The following CWF19L1 variants were observed in gnomAD, a reference collection of about 807,000 sequenced individuals.
CWF19L1 encodes the protein CWF19-like protein 1.
CWF19L1 carries 60 observed loss-of-function variants against 69.7 expected under a neutral mutation model. That is an observed-to-expected ratio of 0.86 (90% CI 0.70 to 1.07). The LOEUF is 1.07. CWF19L1 is among the 50% of genes least tolerant of loss of function. The pLI is 0.00. For missense variants in CWF19L1, 591 were observed against 638.9 expected (o/e 0.92, Z 0.81); for synonymous variants, 209 against 222.2 (o/e 0.94, Z 0.53).
intron 10 of CWF19L1, 112 bp downstream of exon 10, chr10:100,243,586 C>A: frequency 2.1e-6 from 2 of 960,776 alleles, no homozygotes; most frequent in Admixed American, 1.9e-5. Flanking sequence ...CGAAAATCAC[C>A]GAATCATACA....
intron 5 of CWF19L1, 65 bp downstream of exon 5, chr10:100,256,197 A>G: frequency 8.0e-7 from 1 of 1,252,732 alleles, no homozygotes; most frequent in Non-Finnish European, 1.2e-6. Flanking sequence ...AGGAAAAGAA[A>G]AAAGTCCCAA....
chr10:100,248,279 T>C (rs1028452655), intron 7 of CWF19L1: 2 of 1,346,584 alleles, frequency 1.5e-6, no homozygotes, highest in East Asian at 2.3e-5. Flanking sequence ...CAAAGTGTTT[T>C]GAGTCCGTTG....
At chr10:100,260,426 T>G in intron 3 of CWF19L1, 107 bp from the exon 4 acceptor site, 1 of 598,252 alleles carries the variant, frequency 1.7e-6, no homozygotes, top group Non-Finnish European at 2.9e-6. Context: ...AAATAGTCCA[T>G]GCATTCACAT....
chr10:100,239,594 G>A (rs1293044799), intron 10 of CWF19L1, among the ~76,000 whole-genome samples: 5 of 152,158 alleles, frequency 3.3e-5, no homozygotes, highest in South Asian at 2.1e-4. Context: ...AGCCGAGATC[G>A]TGCCACTGCA....
At chr10:100,235,886 T>C (rs1255070366) in intron 12 of CWF19L1, 122 bp from the exon 13 acceptor site, 4 of 694,586 alleles carry the variant, frequency 5.8e-6, no homozygotes, top group African/African-American at 5.4e-5. Flanking sequence ...TATGTTGCTA[T>C]AGATCCCAAG....
chr10:100,249,703 G>A (rs1022189221), intron 7 of CWF19L1, among the ~76,000 whole-genome samples: 1 of 152,106 alleles, frequency 6.6e-6, no homozygotes. Flanking sequence ...TCCTGCCTCA[G>A]CTTCCTGAGT....
intron 13 of CWF19L1, among the ~76,000 whole-genome samples, chr10:100,233,620 G>C (rs1417293177): frequency 1.3e-5 from 2 of 152,154 alleles, no homozygotes; most frequent in African/African-American, 2.4e-5. Context: ...TTGGTACTTA[G>C]AGAAGCAACA....
At chr10:100,265,668 C>T in intron 1 of CWF19L1, among the ~76,000 whole-genome samples, 1 of 151,898 alleles carries the variant, frequency 6.6e-6, no homozygotes, top group South Asian at 2.1e-4. Flanking sequence ...TTACAGGCGC[C>T]CGCTACCACA....
intron 12 of CWF19L1, among the ~76,000 whole-genome samples, chr10:100,236,603 C>T (rs11596950): frequency 0.29 from 44,007 of 151,944 alleles, 8,043 homozygotes; most frequent in Non-Finnish European, 0.43. Context: ...AACCCCGTCT[C>T]GACTAAAAAT....
chr10:100,249,864 G>T (rs1430100380), intron 7 of CWF19L1, among the ~76,000 whole-genome samples: 5 of 152,242 alleles, frequency 3.3e-5, no homozygotes, highest in Non-Finnish European at 7.3e-5. Flanking sequence ...GGGATTACAG[G>T]CGTGGGCCAC....
At chr10:100,264,926 G>C (rs984906746) in intron 1 of CWF19L1, among the ~76,000 whole-genome samples, 14 of 151,924 alleles carry the variant, frequency 9.2e-5, no homozygotes, top group African/African-American at 3.4e-4. Context: ...TTCAAGACCA[G>C]CCTGGGTAAC....
rs1378069145 is a variant in CWF19L1, at chr10:100,256,449, G to A, written c.317C>T (p.Ser106Leu). ...LGRKGIFTGS[S>L]GLQIVYLSGT... ...ACTGAGGTACACAATCTGCAGCCCC[G>A]AGCTTCCAGTGAAGATACCTTTACG... Residue 106 changes from serine (S) to leucine (L), a missense_variant, in exon 5 of 14, where the codon TCG becomes TTG. By Grantham distance (145) the Ser-to-Leu change is moderately radical. Around this residue, in one of 3 missense-constraint regions of CWF19L1, gnomAD observed 129 missense variants for 131.3 expected, o/e 0.98. Transcript: ENST00000354105. The A allele has an allele frequency of 5.0e-6, 8 of 1,614,040 alleles. No individual in the cohort carries two copies. The highest frequency in any genetic ancestry group is 1.7e-5 in the Admixed American group (1 of 59,994).
intron 1 of CWF19L1, among the ~76,000 whole-genome samples, chr10:100,264,900 A>G (rs957613058): frequency 2.0e-5 from 3 of 152,092 alleles, no homozygotes; most frequent in African/African-American, 7.2e-5. Context: ...GCAGGAGGGT[A>G]ACTTGAGCCC....
At chr10:100,266,130 C>T (rs1490603647) in intron 1 of CWF19L1, among the ~76,000 whole-genome samples, 1 of 152,062 alleles carries the variant, frequency 6.6e-6, no homozygotes, top group African/African-American at 2.4e-5. Context: ...CCAAATACCC[C>T]TCTTATGCAC....
At position 100,256,599 on chromosome 10, in the gene CWF19L1, C is replaced by T. The variant is rs1285403564; in HGVS notation, c.290-123G>A. The T allele has an allele frequency of 4.2e-6, 3 of 720,990 alleles. No individual in the cohort carries two copies. In the African/African-American group the frequency reaches 5.3e-5, roughly 13 times the overall value. The allele number at this position is 720,990 out of a possible 1,614,324, so 44.7% of individuals were successfully genotyped here. ...CCATTTTACATGTCTGAAGTGTAAA[C>T]TCTCCAGCAGCTCCCTTCTGGCTGC... On this transcript the variant is annotated intron_variant, in intron 4 of 13. Coordinates refer to ENST00000354105, the MANE Select transcript of CWF19L1 (RefSeq NM_018294.6).
rs1208146959 is a variant in CWF19L1, at chr10:100,251,505, CTTT to C, written c.624-1176_624-1174del. Among the ~76,000 whole-genome samples the C allele has an allele frequency of 7.0e-3, 615 of 88,210 alleles. 2 individuals carry two copies. The highest frequency in any genetic ancestry group is 0.032 in the African/African-American group (586 of 18,244). 57.9% of individuals were successfully genotyped at this position (88,210 alleles called of 152,430 possible). A position where few individuals can be genotyped will look rare whatever the true frequency, so the allele number is the denominator to read the frequency against. On this transcript the variant is annotated intron_variant, in intron 6 of 13. Coordinates refer to ENST00000354105, the MANE Select transcript of CWF19L1 (RefSeq NM_018294.6). ...AGCATCTTTTTATATGTCTATTGGC[CTTT>C]TTTTTTTTTTTTTTTTTTTTTGAGA... is the stretch of plus-strand genomic sequence containing the variant.
chr10:100,245,453 C>T (rs1846783891), intron 9 of CWF19L1, among the ~76,000 whole-genome samples: 1 of 152,150 alleles, frequency 6.6e-6, no homozygotes, highest in Admixed American at 6.5e-5. Flanking sequence ...GCTAAAAATA[C>T]AGAGTCCAAG....
intron 1 of CWF19L1, among the ~76,000 whole-genome samples, chr10:100,265,642 T>C (rs1484599076): frequency 6.6e-6 from 1 of 151,358 alleles, no homozygotes; most frequent in Non-Finnish European, 1.5e-5. Context: ...TGCCTCAACC[T>C]CTTGAGTAGC....
At chr10:100,236,407 C>T (rs1413252726) in intron 12 of CWF19L1, among the ~76,000 whole-genome samples, 1 of 152,114 alleles carries the variant, frequency 6.6e-6, no homozygotes, top group Non-Finnish European at 1.5e-5. Flanking sequence ...CATGCCCAAC[C>T]CATTGCCTAT....
Sources: allele counts gnomAD v4.1 joint callset (sites outside exome capture counted in the v4.1 genomes callset), GRCh38; gene constraint gnomAD v4.1.1; regional missense constraint gnomAD v4.1.1; transcripts MANE v1.5; gene names NCBI Gene and HGNC (gene_info 2026-07-23, HGNC 2026-07-21).